FCRL4: variants seen among roughly 807,000 people sequenced by gnomAD.
FCRL4 encodes Fc receptor-like protein 4.
FCRL4 carries 43 observed loss-of-function variants against 64.1 expected under a neutral mutation model. That is an observed-to-expected ratio of 0.67 (90% CI 0.53 to 0.87). The LOEUF (loss-of-function observed/expected upper bound fraction) is 0.87. FCRL4 is among the 40% of genes least tolerant of loss of function. The pLI, the probability that FCRL4 is intolerant of heterozygous loss-of-function variation, is 0.00. For synonymous variants in FCRL4, 253 were observed against 239.8 expected (o/e 1.05, Z -0.51); for missense variants, 656 against 613.5 (o/e 1.07, Z -0.73).
rs1179906065 is a variant in FCRL4, at chr1:157,581,511, G to A, written c.1249+20C>T. On this transcript the variant is annotated intron_variant, in intron 7 of 11. Transcript: ENST00000271532. ...GGGAAGGAACAGGGCAGGAACTGTG[G>A]CAAAGAAAAGAGCACAAACCTGACT... 1.2e-6 allele frequency: 2 copies of A among 1,603,504 alleles called. No homozygotes were observed. Among genetic ancestry groups the A allele is most frequent in the Non-Finnish European group, 1.7e-6 (2 of 1,170,992 alleles).
chr1:157,579,925 AAAG>A (rs1021090590), intron 8 of FCRL4, among the ~76,000 whole-genome samples: 2 of 150,510 alleles, frequency 1.3e-5, no homozygotes, highest in African/African-American at 2.5e-5. Context: ...TATGGTGCAA[AAAG>A]AAGATTATTA....
chr1:157,592,766 A>G (rs572616768), intron 2 of FCRL4, among the ~76,000 whole-genome samples: 56 of 152,340 alleles, frequency 3.7e-4, no homozygotes, highest in African/African-American at 1.3e-3. Flanking sequence ...AAATCATGCT[A>G]CTATAAAGAC....
intron 6 of FCRL4, among the ~76,000 whole-genome samples, chr1:157,583,162 T>C (rs1222911278): frequency 6.6e-6 from 1 of 152,214 alleles, no homozygotes; most frequent in African/African-American, 2.4e-5. Flanking sequence ...CAGTTTCCTA[T>C]TTACTGTTGT....
intron 4 of FCRL4, 120 bp downstream of exon 4, chr1:157,587,745 G>C: frequency 8.6e-7 from 1 of 1,169,212 alleles, no homozygotes; most frequent in Non-Finnish European, 1.2e-6. Flanking sequence ...CTGCCTCTTA[G>C]AGGATTTGTG....
chr1:157,596,381 A>G (rs1414618003), intron 1 of FCRL4, 33 bp from the exon 2 acceptor site: 4 of 1,613,572 alleles, frequency 2.5e-6, no homozygotes, highest in East Asian at 2.2e-5. Flanking sequence ...CCATCAGCGT[A>G]GGCGAAGAGT....
intron 3 of FCRL4, 67 bp downstream of exon 3, chr1:157,589,137 A>C: frequency 6.5e-7 from 1 of 1,541,340 alleles, no homozygotes; most frequent in Non-Finnish European, 8.8e-7. Context: ...AGTTCGTGGA[A>C]TCTCCAGGGA....
intron 3 of FCRL4, 140 bp downstream of exon 3, chr1:157,589,064 T>A: frequency 2.1e-6 from 2 of 937,198 alleles, no homozygotes; most frequent in Non-Finnish European, 3.2e-6. Context: ...TTTGTAGACA[T>A]TGGAGGGAAA....
Position 157,574,504 on chromosome 1 carries a change from C to T in FCRL4, c.*1020G>A, listed in dbSNP as rs2101671837. 1 of 209,626 alleles carries T rather than the reference C, an allele frequency of 4.8e-6. No homozygotes were observed. The highest frequency in any genetic ancestry group is 1.9e-4 in the South Asian group (1 of 5,308). The allele number at this position is 209,626 out of a possible 1,614,324, so 13.0% of individuals were successfully genotyped here. A position where few individuals can be genotyped will look rare whatever the true frequency, so the allele number is the denominator to read the frequency against. ...GTAGGTGTATCATGAAATATCCATA[C>T]AAATTTGTGGCTTCCTATTTCTTTT... is the stretch of plus-strand genomic sequence containing the variant. On this transcript the variant is annotated 3_prime_UTR_variant, in exon 12 of 12. Transcript: ENST00000271532.
At position 157,573,790 on chromosome 1, in the gene FCRL4, G is replaced by A. The variant is rs12088314; in HGVS notation, c.*1734C>T. ...AATCTAATACTTCAGTATAAGCGCT[G>A]AAAGTGAATATCCTTTTGCTTTTAT... On this transcript the variant is annotated 3_prime_UTR_variant, in exon 12 of 12. Transcript: ENST00000271532. The A allele has an allele frequency of 0.043, 7,907 of 185,784 alleles. 231 individuals are homozygous for A. Among genetic ancestry groups the A allele is most frequent in the African/African-American group, 0.089 (3,797 of 42,822 alleles). The allele number at this position is 185,784 out of a possible 1,614,324, so 11.5% of individuals were successfully genotyped here. A position where few individuals can be genotyped will look rare whatever the true frequency, so the allele number is the denominator to read the frequency against.
At chr1:157,578,573 C>T (rs373402068) in intron 9 of FCRL4, 31 bp from the exon 10 acceptor site, 3 of 1,588,052 alleles carry the variant, frequency 1.9e-6, no homozygotes, top group Admixed American at 1.7e-5. Flanking sequence ...CAAGGCTGTT[C>T]CTGTTAGTAT....
In FCRL4 at chr1:157,596,330, G is replaced by A. The variant is rs755788648; in HGVS notation, c.50C>T (p.Ser17Phe). Reference sequence around the variant, plus strand: ...GAGCAAAGAAAATAAGGACTTACCAGATTGTCCACAGACTGGAGCTGAAAG... The same window carrying A: ...GAGCAAAGAAAATAAGGACTTACCAAATTGTCCACAGACTGGAGCTGAAAG... ...LLAFAPVCGQ[S>F]AAAHKPVISV... The change falls in exon 2 of 12, where the codon TCT (serine) becomes TTT (phenylalanine). Residue 17 changes from serine to phenylalanine, a missense_variant and splice_region_variant. Coordinates refer to ENST00000271532, the MANE Select transcript of FCRL4 (RefSeq NM_031282.3). 1 of 1,613,864 alleles carries A rather than the reference G, an allele frequency of 6.2e-7. No individual in the cohort carries two copies. Among genetic ancestry groups the A allele is most frequent in the South Asian group, 1.1e-5 (1 of 91,070 alleles).
chr1:157,590,667 G>A (rs1193286719), intron 2 of FCRL4, among the ~76,000 whole-genome samples: 1 of 151,906 alleles, frequency 6.6e-6, no homozygotes, highest in Non-Finnish European at 1.5e-5. Context: ...ACAGGCAAGT[G>A]CCACCACACC....
intron 5 of FCRL4, among the ~76,000 whole-genome samples, chr1:157,586,732 G>A (rs75254198): frequency 0.042 from 6,424 of 152,272 alleles, 343 homozygotes; most frequent in African/African-American, 0.12. Context: ...GGTCTGAGTT[G>A]TTTTGAGGGG....
At chr1:157,580,129 T>C (rs918662926) in intron 8 of FCRL4, among the ~76,000 whole-genome samples, 192 bp downstream of exon 8, 1 of 152,260 alleles carries the variant, frequency 6.6e-6, no homozygotes, top group Non-Finnish European at 1.5e-5. Context: ...TTATTTTGCA[T>C]GTATTGCAAA....
At chr1:157,592,298 A>T (rs1444648571) in intron 2 of FCRL4, among the ~76,000 whole-genome samples, 2 of 152,230 alleles carry the variant, frequency 1.3e-5, no homozygotes, top group Admixed American at 6.5e-5. Flanking sequence ...TTATCATCAG[A>T]GCAAACAGGC....
At chr1:157,596,649 A>T (rs1373964953) in intron 1 of FCRL4, among the ~76,000 whole-genome samples, 1 of 152,226 alleles carries the variant, frequency 6.6e-6, no homozygotes. Context: ...GTAATGAGTT[A>T]GATCAGTAAG....
In FCRL4 at chr1:157,589,238, T is replaced by G. The variant is rs756190433; in HGVS notation, c.273A>C (p.Pro91=). 6.2e-7 allele frequency: 1 copy of G among 1,614,148 alleles called. No homozygotes were observed. The highest frequency in any genetic ancestry group is 1.1e-5 in the South Asian group (1 of 91,078). The stretch of plus-strand genomic sequence containing the variant: ...AGAGCAAGCGCACAGGGTTACTTCG[T>G]GGGGAGCCCCGGGCCTGGCATCTGT... ...GLYRCQARGS[P]RSNPVRLLFS... is the part of the protein sequence containing the mutation. The change falls in exon 3 of 12, where the codon CCA becomes CCC. Residue 91 remains proline (P), a synonymous_variant. Coordinates refer to ENST00000271532, the MANE Select transcript of FCRL4 (RefSeq NM_031282.3).
chr1:157,594,309 ATCT>A (rs1652908621), intron 2 of FCRL4, among the ~76,000 whole-genome samples: 1 of 152,202 alleles, frequency 6.6e-6, no homozygotes, highest in African/African-American at 2.4e-5. Flanking sequence ...TTCTGGGAAA[ATCT>A]TCTTCCTTTA....
At chr1:157,597,317 A>G (rs1652986266) in intron 1 of FCRL4, among the ~76,000 whole-genome samples, 1 of 152,358 alleles carries the variant, frequency 6.6e-6, no homozygotes, top group East Asian at 1.9e-4. Flanking sequence ...TAAATATTTA[A>G]TGAACAAAAG....
Sources: gnomAD v4.1 joint callset for allele counts (sites outside exome capture counted in the v4.1 genomes callset) on GRCh38, gnomAD v4.1.1 for gene constraint, MANE v1.5 for transcripts, NCBI Gene and HGNC (gene_info 2026-07-23, HGNC 2026-07-21) for gene names.